The following ADAMTS2 variants were observed in gnomAD, a reference collection of about 807,000 sequenced individuals.
ADAMTS2 encodes ADAM metallopeptidase with thrombospondin type 1 motif 2.
A neutral mutation model predicts 123.0 loss-of-function variants in ADAMTS2; 50 were observed. That is an observed-to-expected ratio of 0.41 (90% CI 0.32 to 0.51). The LOEUF is 0.51. Among genes scored for constraint, ADAMTS2 ranks in the 20% least tolerant of loss-of-function variants. The pLI, the probability that ADAMTS2 is intolerant of heterozygous loss-of-function variation, is 0.35. For synonymous variants in ADAMTS2, 678 were observed against 695.4 expected, an observed-to-expected ratio of 0.98 and a Z score of 0.39; for missense variants, 1,494 against 1,705.2, an observed-to-expected ratio of 0.88 and a Z score of 2.18.
chr5:179,294,809 C>G (rs1756285586), intron 2 of ADAMTS2, among the ~76,000 whole-genome samples: 1 of 152,248 alleles, frequency 6.6e-6, no homozygotes, highest in Admixed American at 6.5e-5. Context: ...AAAAATCCTT[C>G]AATTCCCTCA....
rs142912330 is a variant in ADAMTS2, at chr5:179,283,153, G to A, written c.535-10089C>T. On this transcript the variant is annotated intron_variant, in intron 2 of 21. Coordinates refer to ENST00000251582, the MANE Select transcript of ADAMTS2 (RefSeq NM_014244.5). ...TGGGGAAATCACAGGTCGAAATAGC[G>A]GAATTGCCCTCTGCATCTATGCTAC... Among the ~76,000 whole-genome samples the A allele has an allele frequency of 3.6e-4, 54 of 152,066 alleles. 1 individual carries two copies. The highest frequency in any genetic ancestry group is 2.3e-3 in the East Asian group (12 of 5,180).
chr5:179,324,211 T>G (rs1757254049), intron 2 of ADAMTS2, among the ~76,000 whole-genome samples: 1 of 152,128 alleles, frequency 6.6e-6, no homozygotes, highest in African/African-American at 2.4e-5. Flanking sequence ...GATCTAAAAT[T>G]GTGGTGATGG....
chr5:179,269,284 A>T (rs568788048), intron 3 of ADAMTS2, among the ~76,000 whole-genome samples: 134 of 152,274 alleles, frequency 8.8e-4, no homozygotes, highest in Non-Finnish European at 1.4e-3. Context: ...TGGCCCACAG[A>T]GCTGTGAGAG....
At chr5:179,279,227 G>A (rs1766825748) in intron 2 of ADAMTS2, among the ~76,000 whole-genome samples, 1 of 152,100 alleles carries the variant, frequency 6.6e-6, no homozygotes, top group African/African-American at 2.4e-5. Flanking sequence ...ATCAAGCATA[G>A]AAGGCACAAA....
chr5:179,230,934 C>A (rs1765398287), intron 3 of ADAMTS2, among the ~76,000 whole-genome samples: 1 of 151,302 alleles, frequency 6.6e-6, no homozygotes, highest in Admixed American at 6.6e-5. Context: ...TGGCTTGAAC[C>A]CGGGAGGCGG....
At chr5:179,220,017 G>A (rs1006166976) in intron 3 of ADAMTS2, among the ~76,000 whole-genome samples, 1 of 152,296 alleles carries the variant, frequency 6.6e-6, no homozygotes, top group South Asian at 2.1e-4. Context: ...CTTAAGCCAG[G>A]GAGGGTCCCC....
At chr5:179,275,288 G>A (rs1260424842) in intron 2 of ADAMTS2, among the ~76,000 whole-genome samples, 3 of 152,130 alleles carry the variant, frequency 2.0e-5, no homozygotes, top group Non-Finnish European at 2.9e-5. Context: ...GAGAGACAAG[G>A]ACGAGTGGCA....
intron 2 of ADAMTS2, among the ~76,000 whole-genome samples, chr5:179,320,279 T>G (rs893764043): frequency 7.2e-5 from 11 of 152,220 alleles, no homozygotes; most frequent in Admixed American, 2.6e-4. Flanking sequence ...TTGGGAACCC[T>G]AAGCCTGCCT....
At chr5:179,340,158 C>T (rs1255316497) in intron 2 of ADAMTS2, among the ~76,000 whole-genome samples, 1 of 152,254 alleles carries the variant, frequency 6.6e-6, no homozygotes, top group Non-Finnish European at 1.5e-5. Context: ...CATACACTTC[C>T]TCCTTTGGGC....
In ADAMTS2 at chr5:179,212,089, T is replaced by C. The variant is rs189534560; in HGVS notation, c.689-4374A>G. Among the ~76,000 whole-genome samples the C allele has an allele frequency of 1.9e-4, 29 of 152,258 alleles. 1 individual carries two copies. The East Asian group carries it at 5.0e-3, about 26-fold the overall frequency. On this transcript the variant is annotated intron_variant, in intron 3 of 21. Coordinates refer to ENST00000251582, the MANE Select transcript of ADAMTS2 (RefSeq NM_014244.5). ...AGCACTGAGGGGTGATTTGCGGGAA[T>C]GAGAATTGTAGAAACAAGTATGATT...
intron 4 of ADAMTS2, among the ~76,000 whole-genome samples, chr5:179,196,405 T>A (rs183227646): frequency 6.6e-6 from 1 of 152,162 alleles, no homozygotes; most frequent in Non-Finnish European, 1.5e-5. Flanking sequence ...AAGAGATGCT[T>A]TGGGGGCTCA....
At chr5:179,324,871 G>A (rs1303500282) in intron 2 of ADAMTS2, among the ~76,000 whole-genome samples, 7 of 152,096 alleles carry the variant, frequency 4.6e-5, no homozygotes, top group African/African-American at 1.7e-4. Context: ...GTGATGAGAA[G>A]TTGGCCAGGC....
Position 179,242,248 on chromosome 5 carries a change from C to T in ADAMTS2, c.688+30663G>A, listed in dbSNP as rs948004473. On this transcript the variant is annotated intron_variant, in intron 3 of 21. Transcript: ENST00000251582. This position sits in a 1 kb window ranked among gnomAD's most constrained non-coding sequence, Gnocchi z 4.2. Reference sequence around the variant, plus strand: ...GAGAGACGCTGAGCCTTGGCAGCCTCGTGTGGGCCAGCGGTGCCTGCTGTC... The same window carrying T: ...GAGAGACGCTGAGCCTTGGCAGCCTTGTGTGGGCCAGCGGTGCCTGCTGTC... Among the ~76,000 whole-genome samples, 2 of 152,198 alleles carry T rather than the reference C, an allele frequency of 1.3e-5. No homozygotes were observed. Among genetic ancestry groups the T allele is most frequent in the African/African-American group, 2.4e-5 (1 of 41,462 alleles).
chr5:179,122,617 C>G (rs1246126637), intron 20 of ADAMTS2, 27 bp downstream of exon 20: 2 of 1,547,984 alleles, frequency 1.3e-6, no homozygotes, highest in Admixed American at 3.9e-5. Flanking sequence ...ATGCTGGGAG[C>G]AGGGGCAGGG....
chr5:179,200,815 C>T (rs530973622), intron 4 of ADAMTS2, among the ~76,000 whole-genome samples: 61 of 152,122 alleles, frequency 4.0e-4, no homozygotes, highest in African/African-American at 1.4e-3. Flanking sequence ...CTATCCCAGG[C>T]GGAATAAAAC....
intron 3 of ADAMTS2, among the ~76,000 whole-genome samples, chr5:179,237,129 G>A (rs1373899416): frequency 6.6e-6 from 1 of 152,148 alleles, no homozygotes; most frequent in Non-Finnish European, 1.5e-5. Context: ...TGCATGTGGT[G>A]GCTCACATCT....
chr5:179,158,897 G>GA lies in ADAMTS2; in HGVS notation c.976-19dup. On this transcript the variant is annotated intron_variant, in intron 5 of 21. Coordinates refer to ENST00000251582, the MANE Select transcript of ADAMTS2 (RefSeq NM_014244.5). This position sits in a 1 kb window ranked among gnomAD's most constrained non-coding sequence, Gnocchi z 5.0. ...CTCATGGACTGCAGGGGGATGGAGA[G>GA]AAATGGAAGAGAGAGGTTGGCGCCT... 6.2e-7 allele frequency: 1 copy of GA among 1,613,316 alleles called. No individual in the cohort carries two copies. The highest frequency in any genetic ancestry group is 8.5e-7 in the Non-Finnish European group (1 of 1,179,790).
At position 179,332,250 on chromosome 5, in the gene ADAMTS2, A is replaced by G. The variant is rs1434752715; in HGVS notation, c.534+11517T>C. Among the ~76,000 whole-genome samples, 3 of 152,220 alleles carry G rather than the reference A, an allele frequency of 2.0e-5. No individual in the cohort carries two copies. The highest frequency in any genetic ancestry group is 7.2e-5 in the African/African-American group (3 of 41,454). On this transcript the variant is annotated intron_variant, in intron 2 of 21. Transcript: ENST00000251582. The surrounding 1 kb of genome is among the most constrained non-coding windows in gnomAD (Gnocchi z 4.2). Reference sequence around the variant, plus strand: ...AGGGCAAGGTAACGGGAAGGGCTGCAGAGCCTCCACGCCCTCTCTGGGCAC... The same window carrying G: ...AGGGCAAGGTAACGGGAAGGGCTGCGGAGCCTCCACGCCCTCTCTGGGCAC...
In ADAMTS2 at chr5:179,314,923, T is replaced by C. The variant is rs571980092; in HGVS notation, c.534+28844A>G. ...CAGGGCCTACCTAGAAGTAACTCTC[T>C]TTCCTGACATTAAGCGACTCCCCTC... On this transcript the variant is annotated intron_variant, in intron 2 of 21. Coordinates refer to ENST00000251582, the MANE Select transcript of ADAMTS2 (RefSeq NM_014244.5). The surrounding 1 kb of genome is among the most constrained non-coding windows in gnomAD (Gnocchi z 4.5). 2.6e-4 allele frequency among the ~76,000 whole-genome samples: 39 copies of C among 152,222 alleles called. No homozygotes were observed. The highest frequency in any genetic ancestry group is 9.4e-4 in the African/African-American group (39 of 41,522).
Sources: allele counts gnomAD v4.1 joint callset (sites outside exome capture counted in the v4.1 genomes callset), GRCh38; gene constraint gnomAD v4.1.1; non-coding constraint Gnocchi (gnomAD v3.1); transcripts MANE v1.5; gene names NCBI Gene and HGNC (gene_info 2026-07-23, HGNC 2026-07-21).